NEBL: variants seen among roughly 807,000 people sequenced by gnomAD.
The protein encoded by NEBL is nebulette.
In NEBL, 122 loss-of-function variants were observed where a neutral mutation model predicts 140.2. The ratio of observed to expected loss-of-function variants is 0.87; its 90% CI spans 0.75 to 1.01. The LOEUF is 1.01. NEBL is among the 50% of genes least tolerant of loss of function. The pLI, the probability that NEBL is intolerant of heterozygous loss-of-function variation, is 0.00. For missense variants in NEBL, 1,365 were observed against 1,231.3 expected, an observed-to-expected ratio of 1.11 and a Z score of -1.62; for synonymous variants, 436 against 398.9, an observed-to-expected ratio of 1.09 and a Z score of -1.11.
At chr10:20,928,982 C>G (rs1834043152) in intron 4 of NEBL, among the ~76,000 whole-genome samples, 1 of 151,922 alleles carries the variant, frequency 6.6e-6, no homozygotes, top group Non-Finnish European at 1.5e-5. Flanking sequence ...CCTCTCTTAC[C>G]TTCTTAATTC....
At chr10:21,235,471 C>T (rs1842335833) in intron 3 of NEBL, among the ~76,000 whole-genome samples, 1 of 152,140 alleles carries the variant, frequency 6.6e-6, no homozygotes, top group South Asian at 2.1e-4. Flanking sequence ...CCTGAGACCA[C>T]GCCCAGCTAA....
intron 16 of NEBL, 74 bp from the exon 17 acceptor site, chr10:20,828,708 G>A (rs1436115506): frequency 2.1e-6 from 2 of 949,342 alleles, no homozygotes; most frequent in East Asian, 2.6e-5. Context: ...GAGGGAGGCA[G>A]GAAAGGAGGA....
At chr10:20,874,425 G>T (rs1028550936) in intron 5 of NEBL, among the ~76,000 whole-genome samples, 33 of 152,166 alleles carry the variant, frequency 2.2e-4, no homozygotes, top group African/African-American at 6.0e-4. Context: ...TGAGGCTGGA[G>T]GAGAAAGAGC....
chr10:20,961,744 C>A, exon 4 of NEBL: 2 of 1,613,878 alleles, frequency 1.2e-6, no homozygotes, highest in South Asian at 2.2e-5. Flanking sequence ...TGAAGCCCCT[C>A]CCTTTGCTTT....
At chr10:20,848,996 A>G (rs1404165280) in intron 11 of NEBL, among the ~76,000 whole-genome samples, 1 of 152,204 alleles carries the variant, frequency 6.6e-6, no homozygotes, top group African/African-American at 2.4e-5. Flanking sequence ...TCTACAAGTT[A>G]TCATTTCTGC....
At chr10:21,251,092 T>C (rs1000601563) in intron 2 of NEBL, among the ~76,000 whole-genome samples, 2 of 152,168 alleles carry the variant, frequency 1.3e-5, no homozygotes, top group Non-Finnish European at 2.9e-5. Flanking sequence ...ATCTTCCTTC[T>C]CCCTTCTACA....
At chr10:21,184,792 T>A (rs1021371360) in intron 3 of NEBL, among the ~76,000 whole-genome samples, 1 of 152,260 alleles carries the variant, frequency 6.6e-6, no homozygotes, top group African/African-American at 2.4e-5. Context: ...AAAAAGGTTA[T>A]AAAAACATTT....
chr10:21,172,078 G>A, intron 2 of NEBL: 1 of 398,530 alleles, frequency 2.5e-6, no homozygotes. Flanking sequence ...ATGCACTTCA[G>A]AGCCCACACG....
intron 2 of NEBL, among the ~76,000 whole-genome samples, chr10:21,137,257 G>A (rs1010497362): frequency 1.3e-5 from 2 of 152,168 alleles, no homozygotes; most frequent in Non-Finnish European, 2.9e-5. Context: ...TTTTTTCAAA[G>A]TATCTGGCAT....
intron 1 of NEBL, among the ~76,000 whole-genome samples, chr10:21,285,170 T>C (rs897873627): frequency 2.0e-5 from 3 of 152,218 alleles, no homozygotes; most frequent in Non-Finnish European, 4.4e-5. Flanking sequence ...GAAGGACAGA[T>C]TCATGGTTAC....
intron 2 of NEBL, among the ~76,000 whole-genome samples, chr10:21,061,433 G>A (rs1366608277): frequency 6.8e-6 from 1 of 146,308 alleles, no homozygotes; most frequent in Admixed American, 6.9e-5. Context: ...ATTGCATGGT[G>A]TATGATATAT....
At chr10:21,018,731 C>A (rs556770558) in intron 3 of NEBL, among the ~76,000 whole-genome samples, 1 of 152,170 alleles carries the variant, frequency 6.6e-6, no homozygotes, top group African/African-American at 2.4e-5. Flanking sequence ...TGCCTGCTCT[C>A]ATTAAGAAAG....
At chr10:21,197,492 A>T (rs1321814553) in intron 3 of NEBL, among the ~76,000 whole-genome samples, 3 of 152,240 alleles carry the variant, frequency 2.0e-5, no homozygotes, top group Non-Finnish European at 4.4e-5. Context: ...AAAGGATTAC[A>T]GCTTTGTCCC....
At chr10:21,131,159 T>C (rs1839086738) in intron 2 of NEBL, among the ~76,000 whole-genome samples, 4 of 152,174 alleles carry the variant, frequency 2.6e-5, no homozygotes, top group Admixed American at 2.6e-4. Flanking sequence ...ACTGCTTCTT[T>C]GCAAGACACA....
At chr10:20,995,067 C>T (rs1021774710) in intron 3 of NEBL, among the ~76,000 whole-genome samples, 1 of 152,226 alleles carries the variant, frequency 6.6e-6, no homozygotes, top group African/African-American at 2.4e-5. Context: ...CAGACATCCA[C>T]ATTGGGTTGG....
intron 3 of NEBL, among the ~76,000 whole-genome samples, chr10:20,991,641 G>A (rs908149722): frequency 2.0e-5 from 3 of 151,422 alleles, no homozygotes; most frequent in Admixed American, 2.0e-4. Context: ...ATATTCAGGG[G>A]TACCGGTGCA....
At chr10:21,204,291 G>C in intron 3 of NEBL, among the ~76,000 whole-genome samples, 1 of 152,224 alleles carries the variant, frequency 6.6e-6, no homozygotes, top group East Asian at 1.9e-4. Context: ...AAATTCATAC[G>C]TTGGAGCTCT....
chr10:20,803,016 T>G (rs1431877174), intron 26 of NEBL, among the ~76,000 whole-genome samples: 1 of 152,172 alleles, frequency 6.6e-6, no homozygotes, highest in Non-Finnish European at 1.5e-5. Context: ...CACTGGGACT[T>G]AAGTCCAATG....
intron 3 of NEBL, among the ~76,000 whole-genome samples, chr10:21,003,985 T>C (rs1173406638): frequency 1.3e-5 from 2 of 152,226 alleles, no homozygotes; most frequent in Admixed American, 1.3e-4. Flanking sequence ...ATGTATCAAA[T>C]GTGTATCACG....
Sources: allele counts gnomAD v4.1 joint callset (sites outside exome capture counted in the v4.1 genomes callset), GRCh38; gene constraint gnomAD v4.1.1; transcripts MANE v1.5; gene names NCBI Gene and HGNC (gene_info 2026-07-23, HGNC 2026-07-21).